Variants in EIPR1 observed in about 807,000 individuals in gnomAD.
EIPR1 encodes the protein EARP complex and GARP complex interacting protein 1.
A neutral mutation model predicts 48.1 loss-of-function variants in EIPR1; 25 were observed. That is an observed-to-expected ratio of 0.52 (90% CI 0.38 to 0.73). The LOEUF (loss-of-function observed/expected upper bound fraction) is 0.73. Among genes scored for constraint, EIPR1 ranks in the 30% least tolerant of loss-of-function variants. The pLI is 0.00. For synonymous variants in EIPR1, 204 were observed against 201.9 expected, an observed-to-expected ratio of 1.01 and a Z score of -0.09; for missense variants, 415 against 506.2, an observed-to-expected ratio of 0.82 and a Z score of 1.73.
chr2:3,221,997 T>G (rs114081455), intron 4 of EIPR1, among the ~76,000 whole-genome samples: 61 of 152,276 alleles, frequency 4.0e-4, no homozygotes, highest in African/African-American at 6.3e-4. Flanking sequence ...GCGGTTTTTT[T>G]TTTGTTTGTT....
chr2:3,366,656 A>C (rs1670979685), intron 1 of EIPR1, among the ~76,000 whole-genome samples: 1 of 152,272 alleles, frequency 6.6e-6, no homozygotes, highest in Non-Finnish European at 1.5e-5. Context: ...GAATGGAAAC[A>C]AATAATTTAA....
chr2:3,372,353 C>G (rs1231043446), intron 1 of EIPR1, among the ~76,000 whole-genome samples: 4 of 150,530 alleles, frequency 2.7e-5, no homozygotes, highest in African/African-American at 9.8e-5. Context: ...CATTCAAAAG[C>G]TAGCAGAAGG....
At chr2:3,271,619 C>T (rs978893101) in intron 3 of EIPR1, among the ~76,000 whole-genome samples, 3 of 152,198 alleles carry the variant, frequency 2.0e-5, no homozygotes, top group African/African-American at 7.2e-5. Flanking sequence ...TAGGTCTCAA[C>T]AGGGGGCTTA....
intron 4 of EIPR1, among the ~76,000 whole-genome samples, chr2:3,233,135 G>C (rs1375565914): frequency 6.6e-6 from 1 of 152,084 alleles, no homozygotes; most frequent in African/African-American, 2.4e-5. Context: ...TATGCATACA[G>C]TGGTATGTAT....
chr2:3,345,443 G>A (rs996251832), intron 2 of EIPR1, among the ~76,000 whole-genome samples: 51 of 151,268 alleles, frequency 3.4e-4, no homozygotes, highest in African/African-American at 1.2e-3. Flanking sequence ...TGGCCAACAC[G>A]GTGAAACCCC....
In EIPR1 at chr2:3,202,222, C is replaced by T. The variant is rs544295433; in HGVS notation, c.517-5205G>A. On this transcript the variant is annotated intron_variant, in intron 5 of 8. Transcript: ENST00000382125. ...AAAGTGCTGGGATTACAGGCGTGAG[C>T]CACCGCACCCGGCCTAGGTTCAATG... Among the ~76,000 whole-genome samples, 23 of 152,354 alleles carry T rather than the reference C, an allele frequency of 1.5e-4. No individual in the cohort carries two copies. In the South Asian group the frequency reaches 3.9e-3, roughly 26 times the overall value.
intron 3 of EIPR1, among the ~76,000 whole-genome samples, chr2:3,287,006 C>G (rs1405339624): frequency 2.7e-4 from 21 of 77,330 alleles, no homozygotes; most frequent in Admixed American, 4.5e-4. Flanking sequence ...CCGGCAGAGG[C>G]GGCGGTGGGG....
At chr2:3,344,527 C>A (rs1211013043) in intron 2 of EIPR1, among the ~76,000 whole-genome samples, 12 of 152,044 alleles carry the variant, frequency 7.9e-5, no homozygotes, top group Non-Finnish European at 1.8e-4. Flanking sequence ...GTCACTAACC[C>A]TTTCTGGGCT....
chr2:3,194,696 A>AT, intron 6 of EIPR1, among the ~76,000 whole-genome samples: 1 of 150,628 alleles, frequency 6.6e-6, no homozygotes, highest in African/African-American at 2.5e-5. Flanking sequence ...AGAGAGAGAA[A>AT]GGGGGGGGCA....
chr2:3,371,493 C>A (rs1269185689), intron 1 of EIPR1, among the ~76,000 whole-genome samples: 1 of 152,104 alleles, frequency 6.6e-6, no homozygotes, highest in Non-Finnish European at 1.5e-5. Flanking sequence ...GCCCATCTCA[C>A]GTGCAGAGAC....
chr2:3,223,335 G>A (rs549700709), intron 4 of EIPR1, among the ~76,000 whole-genome samples: 6 of 152,164 alleles, frequency 3.9e-5, no homozygotes, highest in South Asian at 2.1e-4. Flanking sequence ...ACCGGCACCC[G>A]GGTTCCTGGC....
intron 2 of EIPR1, among the ~76,000 whole-genome samples, chr2:3,348,194 G>C (rs1444760923): frequency 6.6e-6 from 1 of 152,184 alleles, no homozygotes; most frequent in Non-Finnish European, 1.5e-5. Context: ...TAAGACGTTA[G>C]CCAGGGGAGG....
intron 3 of EIPR1, among the ~76,000 whole-genome samples, chr2:3,309,296 C>T (rs1435035247): frequency 2.0e-5 from 3 of 152,154 alleles, no homozygotes; most frequent in Non-Finnish European, 4.4e-5. Context: ...TGGTAAGTGA[C>T]ATACGTATAT....
intron 3 of EIPR1, among the ~76,000 whole-genome samples, chr2:3,302,739 G>A (rs1039429620): frequency 2.0e-5 from 3 of 152,248 alleles, no homozygotes; most frequent in Non-Finnish European, 2.9e-5. Context: ...GTCACTCTGG[G>A]TGAACTGCTT....
chr2:3,299,552 G>A (rs1233095916), intron 3 of EIPR1, among the ~76,000 whole-genome samples: 1 of 151,732 alleles, frequency 6.6e-6, no homozygotes, highest in Non-Finnish European at 1.5e-5. Flanking sequence ...TGACACTATA[G>A]CCTGCTGAAA....
intron 3 of EIPR1, among the ~76,000 whole-genome samples, chr2:3,268,832 A>G (rs1360631921): frequency 6.6e-6 from 1 of 152,114 alleles, no homozygotes; most frequent in African/African-American, 2.4e-5. Context: ...ATCTTCACCA[A>G]CACGAGGCCG....
intron 1 of EIPR1, among the ~76,000 whole-genome samples, chr2:3,371,856 TG>T: frequency 6.6e-6 from 1 of 152,300 alleles, no homozygotes; most frequent in East Asian, 1.9e-4. Context: ...ACCCAGGAAT[TG>T]AACTCAGCTC....
At chr2:3,196,731 A>G in intron 6 of EIPR1, 150 bp downstream of exon 6, 1 of 1,247,616 alleles carries the variant, frequency 8.0e-7, no homozygotes. Context: ...AAGAAACAAG[A>G]TGAAGATTTA....
chr2:3,248,293 C>G (rs1666899282), intron 4 of EIPR1, among the ~76,000 whole-genome samples: 1 of 152,142 alleles, frequency 6.6e-6, no homozygotes, highest in Admixed American at 6.5e-5. Context: ...ACTAAAAACA[C>G]AAAAACTAGC....
Sources: allele counts gnomAD v4.1 joint callset (sites outside exome capture counted in the v4.1 genomes callset), GRCh38; gene constraint gnomAD v4.1.1; transcripts MANE v1.5; gene names NCBI Gene and HGNC (gene_info 2026-07-23, HGNC 2026-07-21).